PML: variants seen among roughly 807,000 people sequenced by gnomAD.
The protein encoded by PML is PML nuclear body scaffold.
PML carries 28 observed loss-of-function variants against 65.2 expected under a neutral mutation model. The ratio of observed to expected loss-of-function variants is 0.43; its 90% CI spans 0.32 to 0.59. The LOEUF (loss-of-function observed/expected upper bound fraction) is 0.59, where lower values mean the gene tolerates loss of function less well. PML is among the 20% of genes least tolerant of loss of function. PML has a pLI of 0.08. For synonymous variants in PML, 500 were observed against 508.8 expected (o/e 0.98, Z 0.23); for missense variants, 1,021 against 1,203.4 (o/e 0.85, Z 2.24).
rs929792408 is a variant in PML, at chr15:74,014,728, C to T, written c.603-8100C>T. Among the ~76,000 whole-genome samples the T allele has an allele frequency of 2.6e-5, 4 of 151,622 alleles. No individual in the cohort carries two copies. In the East Asian group the frequency reaches 8.0e-4, roughly 30 times the overall value. On this transcript the variant is annotated intron_variant, in intron 2 of 8. Coordinates refer to ENST00000268058, the MANE Select transcript of PML (RefSeq NM_033238.3). ...AGTGAGCCGAGATCATGCCACTGCA[C>T]TCTAGCCTGGGTGGCAGAGCGAGAC...
intron 2 of PML, among the ~76,000 whole-genome samples, chr15:74,015,677 T>C (rs1049131371): frequency 3.9e-5 from 6 of 152,216 alleles, no homozygotes; most frequent in African/African-American, 1.4e-4. Context: ...GGATGTCCTG[T>C]GCCATGTGTA....
Position 74,024,856 on chromosome 15 carries a change from G to C in PML, c.1184-1G>C. The C allele has an allele frequency of 1.9e-6, 3 of 1,612,352 alleles. No individual in the cohort carries two copies. In the South Asian group the frequency reaches 3.3e-5, roughly 18 times the overall value. Reference sequence around the variant, plus strand: ...CCTGTGACCTTCTTTGTGTTCTACAGATGCAGCTGTATCCAAGAAAGCCAG... The same window carrying C: ...CCTGTGACCTTCTTTGTGTTCTACACATGCAGCTGTATCCAAGAAAGCCAG... On this transcript the variant is annotated splice_acceptor_variant, in intron 3 of 8. Transcript: ENST00000268058. LOFTEE classifies it high-confidence loss of function.
At chr15:74,020,404 C>G (rs1167764291) in intron 2 of PML, among the ~76,000 whole-genome samples, 1 of 151,174 alleles carries the variant, frequency 6.6e-6, no homozygotes, top group African/African-American at 2.4e-5. Flanking sequence ...GTTCTCCCAC[C>G]TCAGCCTCCC....
At chr15:74,013,344 TACTTAATG>T (rs1385319191) in intron 2 of PML, among the ~76,000 whole-genome samples, 1 of 152,220 alleles carries the variant, frequency 6.6e-6, no homozygotes, top group East Asian at 1.9e-4. Context: ...GGAACTTATT[TACTTAATG>T]ACTTAATGAA....
intron 7 of PML, among the ~76,000 whole-genome samples, chr15:74,038,455 A>G (rs2071622738): frequency 6.6e-6 from 1 of 152,154 alleles, no homozygotes. Flanking sequence ...GAGCCAGAGG[A>G]CCGCTGCTTT....
Position 74,044,542 on chromosome 15 carries a change from A to C in PML, c.2183A>C (p.Asn728Thr), listed in dbSNP as rs2071749908. 10 of 1,613,498 alleles carry C rather than the reference A, an allele frequency of 6.2e-6. No homozygotes were observed. Among genetic ancestry groups the C allele is most frequent in the Non-Finnish European group, 8.5e-6 (10 of 1,180,006 alleles). The change falls in exon 9 of 9, where the codon AAC becomes ACC. Residue 728 changes from asparagine to threonine, a missense_variant. Coordinates refer to ENST00000268058, the MANE Select transcript of PML (RefSeq NM_033238.3). Reference sequence around the variant, plus strand: ...GGGGCCAGCAGCTTCAAACTCAAGAACCTGGCCCAGACCTACCTGGCGAGA... The same window carrying C: ...GGGGCCAGCAGCTTCAAACTCAAGACCCTGGCCCAGACCTACCTGGCGAGA... The part of the protein sequence containing the change: ...VPGASSFKLK[N>T]LAQTYLARNM...
In PML at chr15:74,042,529, A is replaced by C. The variant is rs1007076396; in HGVS notation, c.1711-460A>C. 1.1e-5 allele frequency: 11 copies of C among 985,342 alleles called. No homozygotes were observed. The African/African-American group carries it at 1.7e-4, about 16-fold the overall frequency. The allele number at this position is 985,342 out of a possible 1,614,324, so 61.0% of individuals were successfully genotyped here. ...CAGAAAGATGAAATTAGGAGCAGACATCTCAGGTCCTGCCTGCCATAGCAG... is the reference window on the plus strand; with the variant it reads ...CAGAAAGATGAAATTAGGAGCAGACCTCTCAGGTCCTGCCTGCCATAGCAG... On this transcript the variant is annotated intron_variant, in intron 7 of 8. Coordinates refer to ENST00000268058, the MANE Select transcript of PML (RefSeq NM_033238.3). The surrounding 1 kb of genome is among the most constrained non-coding windows in gnomAD (Gnocchi z 5.3).
intron 4 of PML, among the ~76,000 whole-genome samples, chr15:74,030,485 CT>C (rs2071269411): frequency 6.6e-6 from 1 of 152,084 alleles, no homozygotes; most frequent in Admixed American, 6.5e-5. Context: ...CCCATCTCTA[CT>C]AAAAATACAA....
At chr15:74,027,830 G>A (rs2071148926) in intron 4 of PML, 1 of 152,328 alleles carries the variant, frequency 6.6e-6, no homozygotes, top group South Asian at 2.1e-4. Flanking sequence ...GGATGGCAGT[G>A]CTGCTGAGGG....
Position 74,016,792 on chromosome 15 carries a change from C to CTTTTTTTTTTTTTTTTTTTTTTT in PML, c.603-6014_603-6013insTTTTTTTTTTTTTTTTTTTTTTT, listed in dbSNP as rs535665071. On this transcript the variant is annotated intron_variant, in intron 2 of 8. Coordinates refer to ENST00000268058, the MANE Select transcript of PML (RefSeq NM_033238.3). ...TTTTGAATTTTTTAGGCAGTGGCAT[C>CTTTTTTTTTTTTTTTTTTTTTTT]TTTTTTTTTTTTTTTTTTTTTTGAG... Among the ~76,000 whole-genome samples the CTTTTTTTTTTTTTTTTTTTTTTT allele has an allele frequency of 9.0e-5, 7 of 77,648 alleles. 1 individual carries two copies. Among genetic ancestry groups the CTTTTTTTTTTTTTTTTTTTTTTT allele is most frequent in the Non-Finnish European group, 1.4e-4 (6 of 41,778 alleles). The allele number at this position is 77,648 out of a possible 152,430, so 50.9% of individuals were successfully genotyped here. A position where few individuals can be genotyped will look rare whatever the true frequency, so the allele number is the denominator to read the frequency against.
intron 2 of PML, among the ~76,000 whole-genome samples, chr15:74,009,395 T>A (rs2070218013): frequency 6.6e-6 from 1 of 152,132 alleles, no homozygotes; most frequent in Admixed American, 6.6e-5. Flanking sequence ...ATTATTGGGA[T>A]TGCTTCCTGG....
At chr15:74,028,691 T>G (rs1282254596) in intron 4 of PML, among the ~76,000 whole-genome samples, 4 of 152,204 alleles carry the variant, frequency 2.6e-5, no homozygotes, top group Non-Finnish European at 5.9e-5. Flanking sequence ...GTGACCCTTG[T>G]CTACTTTCTG....
In PML at chr15:74,044,864, C is replaced by T. The variant is rs775746836; in HGVS notation, c.2505C>T (p.Pro835=). 1.9e-6 allele frequency: 3 copies of T among 1,613,516 alleles called. No individual in the cohort carries two copies. The highest frequency in any genetic ancestry group is 2.2e-5 in the South Asian group (2 of 91,082). ...RYLSLQTTTL[P]PAQPAFNLQA... is the part of the protein sequence containing the mutation. ...TAAGCCTGCAGACCACCACGTTGCCCCCTGCCCAGCCTGCTTTCAACCTGC... is the reference window on the plus strand; with the variant it reads ...TAAGCCTGCAGACCACCACGTTGCCTCCTGCCCAGCCTGCTTTCAACCTGC... Residue 835 remains proline (P), a synonymous_variant, in exon 9 of 9, where the codon CCC becomes CCT. Transcript: ENST00000268058.
chr15:74,046,355 C>A lies in PML; in HGVS notation c.*1347C>A, dbSNP rs71399772. 4.3e-6 allele frequency: 1 copy of A among 233,352 alleles called. No homozygotes were observed. 14.5% of individuals were successfully genotyped at this position (233,352 alleles called of 1,614,324 possible). On this transcript the variant is annotated 3_prime_UTR_variant, in exon 9 of 9. Coordinates refer to ENST00000268058, the MANE Select transcript of PML (RefSeq NM_033238.3). ...TCCTCCTCCTCCCTCCTTCCCATCC[C>A]TACTCATTAGCTCCCTGCTCCTGGG...
At chr15:74,034,357 C>G in intron 6 of PML, 121 bp from the exon 7 acceptor site, 1 of 1,299,262 alleles carries the variant, frequency 7.7e-7, no homozygotes, top group Non-Finnish European at 1.1e-6. Flanking sequence ...TCCCGTCCCC[C>G]TGCAGGGCAT....
rs1404163177 is a variant in PML, at chr15:74,044,244, G to T, written c.1885G>T (p.Ala629Ser). The T allele has an allele frequency of 1.9e-6, 3 of 1,613,936 alleles. No homozygotes were observed. The highest frequency in any genetic ancestry group is 2.2e-5 in the East Asian group (1 of 44,870). The change falls in exon 9 of 9, where the codon GCG (alanine) becomes TCG (serine). Residue 629 changes from alanine to serine, a missense_variant. By Grantham distance (99) the Ala-to-Ser change is moderately conservative. Transcript: ENST00000268058. ...NETQKISQLA[A>S]VNRESKFRVV... ...AGCCCAGAAGATTAGCCAGCTGGCT[G>T]CGGTGAACCGGGAAAGCAAGTTCCG...
intron 7 of PML, chr15:74,034,873 C>T: frequency 2.1e-6 from 3 of 1,437,338 alleles, no homozygotes; most frequent in Non-Finnish European, 2.7e-6. Context: ...GACAAGAATC[C>T]ATTCCTTGGT....
Position 74,043,426 on chromosome 15 carries a change from A to T in PML, c.1861+287A>T. On this transcript the variant is annotated intron_variant, in intron 8 of 8. Coordinates refer to ENST00000268058, the MANE Select transcript of PML (RefSeq NM_033238.3). This position sits in a 1 kb window ranked among gnomAD's most constrained non-coding sequence, Gnocchi z 4.3. ...CTCTCAGACAGAGAGCCTGGGGAAC[A>T]CACTCCTAGACAGAAACACAATGCG... is the stretch of plus-strand genomic sequence containing the variant. 1 of 1,381,004 alleles carries T rather than the reference A, an allele frequency of 7.2e-7. No individual in the cohort carries two copies. Among genetic ancestry groups the T allele is most frequent in the Non-Finnish European group, 9.4e-7 (1 of 1,060,178 alleles). The allele number at this position is 1,381,004 out of a possible 1,614,324, so 85.5% of individuals were successfully genotyped here. A position where few individuals can be genotyped will look rare whatever the true frequency, so the allele number is the denominator to read the frequency against.
chr15:74,032,757 G>C, intron 5 of PML, 42 bp downstream of exon 5: 1 of 1,608,560 alleles, frequency 6.2e-7, no homozygotes, highest in Non-Finnish European at 8.5e-7. Context: ...CTGAAGGCCT[G>C]AGTTCCACCA....
Sources: allele counts gnomAD v4.1 joint callset (sites outside exome capture counted in the v4.1 genomes callset), GRCh38; gene constraint gnomAD v4.1.1; non-coding constraint Gnocchi (gnomAD v3.1); transcripts MANE v1.5; gene names NCBI Gene and HGNC (gene_info 2026-07-23, HGNC 2026-07-21).